The following SAMD3 variants were observed in gnomAD, a reference collection of about 807,000 sequenced individuals.
SAMD3 encodes sterile alpha motif domain containing 3.
SAMD3 carries 63 observed loss-of-function variants against 58.5 expected under a neutral mutation model. The ratio of observed to expected loss-of-function variants is 1.08; its 90% CI spans 0.88 to 1.33. The LOEUF (loss-of-function observed/expected upper bound fraction) is 1.33. SAMD3 is among the 40% of genes most tolerant of loss of function. The pLI, the probability that SAMD3 is intolerant of heterozygous loss-of-function variation, is 0.00. For missense variants in SAMD3, 604 were observed against 608.4 expected, an observed-to-expected ratio of 0.99 and a Z score of 0.08; for synonymous variants, 220 against 210.3, an observed-to-expected ratio of 1.05 and a Z score of -0.40.
intron 1 of SAMD3, among the ~76,000 whole-genome samples, chr6:130,345,931 G>C (rs1213628246): frequency 5.3e-5 from 8 of 152,240 alleles, no homozygotes; most frequent in Non-Finnish European, 2.9e-5. Context: ...AGGCAGTTCT[G>C]TTAGTTCCAT....
chr6:130,241,463 C>T (rs1453004622), intron 2 of SAMD3, among the ~76,000 whole-genome samples: 1 of 152,064 alleles, frequency 6.6e-6, no homozygotes, highest in Non-Finnish European at 1.5e-5. Flanking sequence ...ATCCACCTGC[C>T]TTGGTCTGCC....
rs77180478 is a variant in SAMD3, at chr6:130,167,767, A to G, written c.822+8074T>C. On this transcript the variant is annotated intron_variant, in intron 8 of 11. Transcript: ENST00000439090. ...CAGCTGCTGCATTGACTGCACGACC[A>G]TACATGCAGCCACATGAGGTCTTGA... Among the ~76,000 whole-genome samples the G allele has an allele frequency of 6.6e-3, 1,003 of 152,328 alleles. 14 individuals are homozygous for G. The highest frequency in any genetic ancestry group is 0.023 in the African/African-American group (966 of 41,588).
At chr6:130,165,583 A>G (rs964886924) in intron 8 of SAMD3, among the ~76,000 whole-genome samples, 6 of 152,190 alleles carry the variant, frequency 3.9e-5, no homozygotes, top group Admixed American at 6.5e-5. Context: ...AAGATCAGCC[A>G]TAAATGTAAA....
downstream of SAMD3, chr6:130,144,300 A>G: frequency 3.9e-6 from 2 of 513,732 alleles, no homozygotes; most frequent in Non-Finnish European, 3.3e-6. Flanking sequence ...AAAACTCAAA[A>G]TAAATCGACA....
intron 8 of SAMD3, among the ~76,000 whole-genome samples, chr6:130,170,226 T>G (rs1184381128): frequency 6.6e-6 from 1 of 152,178 alleles, no homozygotes; most frequent in Non-Finnish European, 1.5e-5. Flanking sequence ...GGCCCTGGTG[T>G]GTGATGTTCC....
chr6:130,278,086 C>T (rs1249838541), intron 2 of SAMD3, among the ~76,000 whole-genome samples: 1 of 152,174 alleles, frequency 6.6e-6, no homozygotes, highest in Non-Finnish European at 1.5e-5. Flanking sequence ...ATTGTATAAC[C>T]TAAGAGCAGT....
chr6:130,221,845 A>G (rs1190329500), intron 1 of SAMD3: 1 of 152,238 alleles, frequency 6.6e-6, no homozygotes, highest in Non-Finnish European at 1.5e-5. Context: ...AAAAATTAAT[A>G]CACCAATAGA....
At chr6:130,196,693 C>T (rs887326642) in intron 5 of SAMD3, among the ~76,000 whole-genome samples, 2 of 152,070 alleles carry the variant, frequency 1.3e-5, no homozygotes, top group Non-Finnish European at 2.9e-5. Context: ...TATTCAGGCC[C>T]CCTCCCTTCC....
chr6:130,218,583 A>T (rs1796098596), intron 1 of SAMD3, among the ~76,000 whole-genome samples: 2 of 152,256 alleles, frequency 1.3e-5, no homozygotes, highest in Admixed American at 1.3e-4. Flanking sequence ...GGATGATGAT[A>T]TACTAAAGAA....
intron 2 of SAMD3, among the ~76,000 whole-genome samples, chr6:130,311,590 G>A (rs969044497): frequency 1.3e-5 from 2 of 152,204 alleles, no homozygotes; most frequent in African/African-American, 4.8e-5. Flanking sequence ...CCAGACTACT[G>A]CTTTCTTTTA....
chr6:130,157,841 A>G (rs1475745048), intron 8 of SAMD3, among the ~76,000 whole-genome samples: 1 of 152,178 alleles, frequency 6.6e-6, no homozygotes, highest in East Asian at 1.9e-4. Flanking sequence ...AAAATCATGC[A>G]TATGTAATTT....
At chr6:130,338,029 A>T (rs1777153908) in intron 1 of SAMD3, among the ~76,000 whole-genome samples, 1 of 152,260 alleles carries the variant, frequency 6.6e-6, no homozygotes, top group Non-Finnish European at 1.5e-5. Context: ...CCTTCACAGC[A>T]GCCCTTCCCA....
intron 2 of SAMD3, among the ~76,000 whole-genome samples, chr6:130,279,956 T>G (rs1039936240): frequency 6.6e-6 from 1 of 152,190 alleles, no homozygotes; most frequent in African/African-American, 2.4e-5. Context: ...TCTTTCAAAT[T>G]TTTATTTCTT....
At chr6:130,179,810 C>T (rs375665457) in intron 7 of SAMD3, among the ~76,000 whole-genome samples, 44 of 116,210 alleles carry the variant, frequency 3.8e-4, no homozygotes, top group Non-Finnish European at 3.2e-4. Context: ...TGTCCTTATT[C>T]TTTTTTTTTT....
chr6:130,255,855 CT>C lies in SAMD3; in HGVS notation c.-187-33043del, dbSNP rs34419547. On this transcript the variant is annotated intron_variant, in intron 2 of 13. Transcript: ENST00000368134. The stretch of plus-strand genomic sequence containing the variant: ...TCGGCAACATATAGTTGGGTCTTGT[CT>C]TTTTTTTTTTTAAACCATTCAGTCA... Among the ~76,000 whole-genome samples, 300 of 141,880 alleles carry C rather than the reference CT, an allele frequency of 2.1e-3. 3 individuals are homozygous for C. In the South Asian group the frequency reaches 0.023, roughly 11 times the overall value. 93.1% of individuals were successfully genotyped at this position (141,880 alleles called of 152,430 possible).
chr6:130,171,577 CTG>C (rs987168359), intron 8 of SAMD3, among the ~76,000 whole-genome samples: 4 of 151,998 alleles, frequency 2.6e-5, no homozygotes, highest in African/African-American at 9.7e-5. Flanking sequence ...GTCTGAGAGA[CTG>C]TTATGATTTC....
At position 130,214,455 on chromosome 6, in the gene SAMD3, C is replaced by A. The variant is rs1157878090; in HGVS notation, c.151G>T (p.Gly51Trp). The change falls in exon 4 of 12, where the codon GGG becomes TGG. Residue 51 changes from glycine (G) to tryptophan (W), a missense_variant. Physicochemically the swap from Gly to Trp is radical, Grantham distance 184. Transcript: ENST00000439090. ...AAATCCATCAGAACAGCCTGGTGCC[C>A]AATTTTCTTTACCAGTTGCTGAACC... ...RMVQQLVKKI[G>W]HQAVLMDLIK... 1.2e-6 allele frequency: 2 copies of A among 1,612,960 alleles called. No individual in the cohort carries two copies. The highest frequency in any genetic ancestry group is 3.3e-5 in the Admixed American group (2 of 59,902).
At chr6:130,201,043 A>T (rs1156893393) in intron 5 of SAMD3, among the ~76,000 whole-genome samples, 6 of 152,194 alleles carry the variant, frequency 3.9e-5, no homozygotes, top group Non-Finnish European at 8.8e-5. Context: ...TCTTCTCCTC[A>T]GTAACAGGCC....
At position 130,146,159 on chromosome 6, in the gene SAMD3, A is replaced by G. The variant is rs895419932; in HGVS notation, c.1046T>C (p.Leu349Pro). The change falls in exon 10 of 12, where the codon CTT (leucine) becomes CCT (proline). Residue 349 changes from leucine to proline, a missense_variant. Physicochemically the swap from Leu to Pro is moderately conservative, Grantham distance 98. Coordinates refer to ENST00000439090, the MANE Select transcript of SAMD3 (RefSeq NM_001017373.4). ...PYQMFREFQL[L>P]TRTDIYKKTR... ...TTTCTTATAAATATCTGTTCTTGTAAGAAGTTGGAATTCTCTGAACATCTG... is the reference window on the plus strand; with the variant it reads ...TTTCTTATAAATATCTGTTCTTGTAGGAAGTTGGAATTCTCTGAACATCTG... 1 of 1,587,488 alleles carries G rather than the reference A, an allele frequency of 6.3e-7. No homozygotes were observed. The highest frequency in any genetic ancestry group is 8.6e-7 in the Non-Finnish European group (1 of 1,168,696).
Sources: allele counts gnomAD v4.1 joint callset (sites outside exome capture counted in the v4.1 genomes callset), GRCh38; gene constraint gnomAD v4.1.1; transcripts MANE v1.5; gene names NCBI Gene and HGNC (gene_info 2026-07-23, HGNC 2026-07-21).